The following DNASE1 variants were observed in gnomAD, a reference collection of about 807,000 sequenced individuals.
DNASE1 encodes deoxyribonuclease 1.
A neutral mutation model predicts 33.9 loss-of-function variants in DNASE1; 40 were observed. That is an observed-to-expected ratio of 1.18 (90% CI 0.92 to 1.54). The LOEUF is 1.54. DNASE1 is among the 40% of genes most tolerant of loss of function. The pLI is 0.00. For synonymous variants in DNASE1, 216 were observed against 160.0 expected (o/e 1.35, Z -2.64); for missense variants, 518 against 372.6 (o/e 1.39, Z -3.21).
chr16:3,615,345 A>C (rs35628215), intron 1 of DNASE1, among the ~76,000 whole-genome samples: 13,424 of 152,232 alleles, frequency 0.088, 631 homozygotes, highest in African/African-American at 0.13. Flanking sequence ...TCTTTGGGCT[A>C]AAGGTGAACA....
rs764328962 is a variant in DNASE1, at chr16:3,656,984, T to C, written c.437-15T>C. On this transcript the variant is annotated splice_polypyrimidine_tract_variant and intron_variant, in intron 5 of 8. Transcript: ENST00000246949. The stretch of plus-strand genomic sequence containing the variant: ...CCCAGGGAGTGTGCCTCACACGACG[T>C]GGCTGTCTCCACAGAGGTCAGGGAG... 6.2e-7 allele frequency: 1 copy of C among 1,612,614 alleles called. No individual in the cohort carries two copies. Among genetic ancestry groups the C allele is most frequent in the Admixed American group, 1.7e-5 (1 of 59,854 alleles).
chr16:3,625,851 A>G (rs898767299), intron 1 of DNASE1, among the ~76,000 whole-genome samples: 1 of 152,016 alleles, frequency 6.6e-6, no homozygotes, highest in Non-Finnish European at 1.5e-5. Context: ...TGTAATCCCA[A>G]CACTTCAGGA....
intron 3 of DNASE1, 82 bp downstream of exon 3, chr16:3,656,019 G>T: frequency 1.2e-6 from 2 of 1,611,694 alleles, no homozygotes. Flanking sequence ...CAAGGGTGGG[G>T]ACCTGGGCAC....
chr16:3,663,917 G>A (rs974359932), exon 10 of DNASE1: 11 of 350,792 alleles, frequency 3.1e-5, no homozygotes, highest in African/African-American at 2.3e-4. Flanking sequence ...ACAAAAATTT[G>A]CTGGGTGTGG....
At position 3,664,382 on chromosome 16, in the gene DNASE1, G is replaced by A. The variant is rs1395137695; in HGVS notation, c.*6429G>A. 26 of 1,612,624 alleles carry A rather than the reference G, an allele frequency of 1.6e-5. 1 individual carries two copies. The highest frequency in any genetic ancestry group is 2.1e-5 in the Non-Finnish European group (25 of 1,179,592). On this transcript the variant is annotated 3_prime_UTR_variant, in exon 10 of 10. Coordinates refer to the DNASE1 transcript ENST00000407479. ...TGCGGGTGCCGGCCCGCATGCGGCT[G>A]GCGTATTCTGAGAGGCTGGTTAGCT...
At chr16:3,663,892 G>A (rs762598091) in exon 10 of DNASE1, 10 of 363,478 alleles carry the variant, frequency 2.8e-5, no homozygotes, top group East Asian at 1.1e-4. Flanking sequence ...GTGAAATGCC[G>A]TCTCTATTAA....
intron 1 of DNASE1, among the ~76,000 whole-genome samples, chr16:3,621,231 G>A (rs550586810): frequency 3.3e-5 from 5 of 152,036 alleles, no homozygotes; most frequent in East Asian, 1.9e-4. Context: ...GAGTACAAGC[G>A]TGTGCCACCA....
intron 1 of DNASE1, among the ~76,000 whole-genome samples, chr16:3,614,972 A>G (rs1040958355): frequency 6.6e-6 from 1 of 152,170 alleles, no homozygotes; most frequent in Non-Finnish European, 1.5e-5. Context: ...AAATCTGGCT[A>G]TATTATTTAT....
intron 1 of DNASE1, among the ~76,000 whole-genome samples, chr16:3,613,309 C>G (rs1312488237): frequency 6.6e-6 from 1 of 152,178 alleles, no homozygotes; most frequent in South Asian, 2.1e-4. Context: ...GTACTGCATG[C>G]CTTTTCATGG....
intron 1 of DNASE1, among the ~76,000 whole-genome samples, chr16:3,623,817 C>A (rs1169241614): frequency 6.6e-6 from 1 of 152,066 alleles, no homozygotes; most frequent in Non-Finnish European, 1.5e-5. Context: ...GTGCTCACAT[C>A]AGTAATCATC....
chr16:3,661,178 C>CCTACAGAGAATG (rs536803506), downstream of DNASE1: 9 of 152,010 alleles, frequency 5.9e-5, no homozygotes, highest in East Asian at 1.7e-3. Flanking sequence ...GTACCAGAAC[C>CCTACAGAGAATG]CTACAGAGAA....
intron 7 of DNASE1, 97 bp from the exon 8 acceptor site, chr16:3,657,623 C>T: frequency 6.6e-7 from 1 of 1,522,078 alleles, no homozygotes; most frequent in Admixed American, 1.9e-5. Context: ...CAGACCTGCA[C>T]TGGCAGGTCC....
At chr16:3,622,566 G>C (rs930725292) in intron 1 of DNASE1, among the ~76,000 whole-genome samples, 2 of 152,098 alleles carry the variant, frequency 1.3e-5, no homozygotes, top group Admixed American at 1.3e-4. Context: ...AATGGATATA[G>C]TGTTACAATG....
exon 10 of DNASE1, chr16:3,663,538 C>T (rs760069677): frequency 6.2e-7 from 1 of 1,614,108 alleles, no homozygotes; most frequent in East Asian, 2.2e-5. Context: ...GTGAGCTCAT[C>T]AAACTGCTCA....
At chr16:3,662,194 T>A (rs867005175), downstream of DNASE1, 1 of 1,567,214 alleles carries the variant, frequency 6.4e-7, no homozygotes, top group African/African-American at 1.3e-5. Context: ...GCTGGCAGGA[T>A]CTTACCAGGG....
chr16:3,644,568 CAT>C (rs2042114618), intron 1 of DNASE1, among the ~76,000 whole-genome samples: 1 of 151,154 alleles, frequency 6.6e-6, no homozygotes, highest in Non-Finnish European at 1.5e-5. Context: ...GTCTCAAAAA[CAT>C]AAAGATTTTA....
At chr16:3,651,603 C>G (rs143838280), upstream of DNASE1, 1 of 152,350 alleles carries the variant, frequency 6.6e-6, no homozygotes, top group South Asian at 2.1e-4. Context: ...GAAGCGACAG[C>G]AGCCAGCTCC....
intron 3 of DNASE1, 75 bp downstream of exon 3, chr16:3,656,012 G>A (rs1257101157): frequency 2.1e-5 from 34 of 1,610,672 alleles, no homozygotes; most frequent in Non-Finnish European, 2.8e-5. Flanking sequence ...TGGGCCCCAA[G>A]GGTGGGGACC....
At chr16:3,627,074 C>T (rs573358673) in intron 1 of DNASE1, among the ~76,000 whole-genome samples, 11 of 151,518 alleles carry the variant, frequency 7.3e-5, no homozygotes, top group African/African-American at 2.4e-4. Context: ...CAGGGTCTCC[C>T]TATGTTGCCC....
Sources: allele counts gnomAD v4.1 joint callset (sites outside exome capture counted in the v4.1 genomes callset), GRCh38; gene constraint gnomAD v4.1.1; transcripts MANE v1.5; gene names NCBI Gene and HGNC (gene_info 2026-07-23, HGNC 2026-07-21).